Variants in DSCAM observed in about 807,000 individuals in gnomAD.
DSCAM encodes cell adhesion molecule DSCAM.
Under a neutral mutation model 217.7 loss-of-function variants are expected in DSCAM, and 47 were observed. That is an observed-to-expected ratio of 0.22 (90% CI 0.17 to 0.28). The LOEUF (loss-of-function observed/expected upper bound fraction) is 0.28, where lower values mean the gene tolerates loss of function less well. DSCAM is among the 10% of genes least tolerant of loss of function. DSCAM has a pLI of 1.00. For synonymous variants in DSCAM, 1,056 were observed against 1,015.3 expected (o/e 1.04, Z -0.76); for missense variants, 2,080 against 2,618.3 (o/e 0.79, Z 4.49).
chr21:40,574,342 T>C (rs997449212), intron 3 of DSCAM, among the ~76,000 whole-genome samples: 21 of 152,208 alleles, frequency 1.4e-4, no homozygotes, highest in African/African-American at 5.1e-4. Flanking sequence ...TCAAAATAAT[T>C]CATTTCATTA....
rs895017005 is a variant in DSCAM, at chr21:40,342,651, T to A, written c.1211-3236A>T. ...GTATATATATATATATATATATATT[T>A]TTTTTTTTTTTTTGAGACAGTGTCT... On this transcript the variant is annotated intron_variant, in intron 6 of 32. Coordinates refer to ENST00000400454, the MANE Select transcript of DSCAM (RefSeq NM_001389.5). 1.1e-3 allele frequency among the ~76,000 whole-genome samples: 151 copies of A among 136,418 alleles called. 1 individual carries two copies. The highest frequency in any genetic ancestry group is 2.8e-3 in the African/African-American group (94 of 33,374). 89.5% of individuals were successfully genotyped at this position (136,418 alleles called of 152,430 possible). A position where few individuals can be genotyped will look rare whatever the true frequency, so the allele number is the denominator to read the frequency against.
rs564811879 is a variant in DSCAM at position 40,267,408 on chromosome 21, G to T, written c.2356+8689C>A. Among the ~76,000 whole-genome samples the T allele has an allele frequency of 2.4e-4, 37 of 152,196 alleles. No homozygotes were observed. In the South Asian group the frequency reaches 5.8e-3, roughly 24 times the overall value. On this transcript the variant is annotated intron_variant, in intron 11 of 32. Coordinates refer to ENST00000400454, the MANE Select transcript of DSCAM (RefSeq NM_001389.5). ...TGCTCTGCTTTCGTACACTGGCAGG[G>T]CAGTAGGTTTGTTATGTAAGCATCA...
At chr21:40,200,133 T>C (rs1385155670) in intron 11 of DSCAM, among the ~76,000 whole-genome samples, 2 of 151,446 alleles carry the variant, frequency 1.3e-5, no homozygotes, top group Non-Finnish European at 2.9e-5. Flanking sequence ...TGGAAGCCCC[T>C]CATTCTGGGG....
chr21:40,247,446 C>T (rs974417943), intron 11 of DSCAM, among the ~76,000 whole-genome samples: 1 of 152,170 alleles, frequency 6.6e-6, no homozygotes, highest in Non-Finnish European at 1.5e-5. Context: ...GGAAATATAG[C>T]CATTCCAAAT....
intron 32 of DSCAM, among the ~76,000 whole-genome samples, chr21:40,018,022 G>A (rs1218300097): frequency 8.2e-5 from 2 of 24,372 alleles, no homozygotes; most frequent in Non-Finnish European, 1.5e-4. Context: ...GAATAGCTTT[G>A]TTCCTGAAAG....
At chr21:40,683,821 G>C (rs903270282) in intron 3 of DSCAM, among the ~76,000 whole-genome samples, 1 of 152,182 alleles carries the variant, frequency 6.6e-6, no homozygotes, top group African/African-American at 2.4e-5. Context: ...AGGTGCAGCA[G>C]AGTTGAGAAT....
intron 9 of DSCAM, among the ~76,000 whole-genome samples, chr21:40,305,609 A>C (rs1407632355): frequency 1.3e-5 from 2 of 152,004 alleles, no homozygotes; most frequent in Non-Finnish European, 2.9e-5. Context: ...TCTTGAATTA[A>C]TTTTTTGTAT....
chr21:40,169,564 G>C (rs1302199948), intron 15 of DSCAM, among the ~76,000 whole-genome samples: 2 of 152,142 alleles, frequency 1.3e-5, no homozygotes, highest in Non-Finnish European at 2.9e-5. Flanking sequence ...CGCAGGTCAG[G>C]GCTGGCGGGA....
intron 30 of DSCAM, among the ~76,000 whole-genome samples, chr21:40,046,229 A>G (rs1257240719): frequency 6.6e-6 from 1 of 152,210 alleles, no homozygotes; most frequent in Non-Finnish European, 1.5e-5. Flanking sequence ...GCAAGTTTCT[A>G]GTTAATTCGA....
chr21:40,820,944 G>A (rs1235611346), intron 1 of DSCAM, among the ~76,000 whole-genome samples: 2 of 151,484 alleles, frequency 1.3e-5, no homozygotes, highest in African/African-American at 4.8e-5. Flanking sequence ...CAATAATTTA[G>A]TACAGCAAGT....
At chr21:40,685,537 T>A (rs1487027232) in intron 3 of DSCAM, among the ~76,000 whole-genome samples, 1 of 152,158 alleles carries the variant, frequency 6.6e-6, no homozygotes, top group South Asian at 2.1e-4. Flanking sequence ...GCACCTCTTA[T>A]CATGACTCAT....
At chr21:40,288,999 T>C (rs1161233178) in intron 10 of DSCAM, among the ~76,000 whole-genome samples, 1 of 152,216 alleles carries the variant, frequency 6.6e-6, no homozygotes, top group Non-Finnish European at 1.5e-5. Context: ...TTATTTATTT[T>C]ACTAAAATCA....
intron 3 of DSCAM, among the ~76,000 whole-genome samples, chr21:40,372,195 G>A (rs2074905612): frequency 6.6e-6 from 1 of 152,168 alleles, no homozygotes; most frequent in African/African-American, 2.4e-5. Flanking sequence ...ACTTGCCACT[G>A]TACCCCACTT....
intron 3 of DSCAM, among the ~76,000 whole-genome samples, chr21:40,460,906 C>T (rs770420030): frequency 2.0e-5 from 3 of 152,130 alleles, no homozygotes; most frequent in Admixed American, 6.5e-5. Flanking sequence ...ATCTATCACA[C>T]GTTTAAAGTG....
intron 18 of DSCAM, among the ~76,000 whole-genome samples, chr21:40,138,376 T>C (rs2090239183): frequency 1.3e-5 from 2 of 150,384 alleles, no homozygotes; most frequent in South Asian, 4.3e-4. Context: ...GTGTGTTACA[T>C]GTGTTGTGTG....
rs527791093 is a variant in DSCAM at position 40,462,387 on chromosome 21, T to A, written c.509-93142A>T. The stretch of plus-strand genomic sequence containing the variant: ...TTAGAGCCATGGCTAACACTCTGGT[T>A]TGACAAGTCCTCCAAGTAAGCCTGA... On this transcript the variant is annotated intron_variant, in intron 3 of 32. Transcript: ENST00000400454. 2.8e-4 allele frequency among the ~76,000 whole-genome samples: 43 copies of A among 152,316 alleles called. 1 individual carries two copies. The highest frequency in any genetic ancestry group is 1.0e-3 in the African/African-American group (43 of 41,574).
chr21:40,508,608 G>A (rs2076227775), intron 3 of DSCAM, among the ~76,000 whole-genome samples: 1 of 150,124 alleles, frequency 6.7e-6, no homozygotes, highest in African/African-American at 2.4e-5. Flanking sequence ...TTGCCCTGTC[G>A]ACCAGACTGG....
chr21:40,758,002 G>T (rs544403351), intron 1 of DSCAM, among the ~76,000 whole-genome samples: 4 of 152,284 alleles, frequency 2.6e-5, no homozygotes, highest in African/African-American at 9.6e-5. Flanking sequence ...GGATTACAAT[G>T]ATCTCTAATT....
At chr21:40,526,251 A>T (rs1210753087) in intron 3 of DSCAM, among the ~76,000 whole-genome samples, 2 of 152,156 alleles carry the variant, frequency 1.3e-5, no homozygotes, top group African/African-American at 2.4e-5. Context: ...AAACCCTCTG[A>T]GCACTTTGCA....
Sources: gnomAD v4.1 joint callset for allele counts (sites outside exome capture counted in the v4.1 genomes callset) on GRCh38, gnomAD v4.1.1 for gene constraint, MANE v1.5 for transcripts, NCBI Gene and HGNC (gene_info 2026-07-23, HGNC 2026-07-21) for gene names.